PCDHA1: variants seen among roughly 807,000 people sequenced by gnomAD.
The protein encoded by PCDHA1 is protocadherin alpha 1, also known as protocadherin alpha-1.
PCDHA1 carries 42 observed loss-of-function variants against 61.3 expected under a neutral mutation model. That is an observed-to-expected ratio of 0.69 (90% CI 0.54 to 0.89). The LOEUF is 0.89. PCDHA1 is among the 40% of genes least tolerant of loss of function. The pLI is 0.00. For synonymous variants in PCDHA1, 610 were observed against 553.8 expected, an observed-to-expected ratio of 1.10 and a Z score of -1.43; for missense variants, 1,256 against 1,235.3, an observed-to-expected ratio of 1.02 and a Z score of -0.25.
chr5:140,849,319 G>A, intron 1 of PCDHA1: 1 of 1,331,850 alleles, frequency 7.5e-7, no homozygotes, highest in Non-Finnish European at 1.0e-6. Flanking sequence ...GGCTTGAATG[G>A]GGATATTATT....
At position 140,788,169 on chromosome 5, in the gene PCDHA1, T is replaced by C; in HGVS notation, c.1879T>C (p.Tyr627His). 6.2e-7 allele frequency: 1 copy of C among 1,613,994 alleles called. No individual in the cohort carries two copies. Among genetic ancestry groups the C allele is most frequent in the Non-Finnish European group, 8.5e-7 (1 of 1,179,904 alleles). Residue 627 changes from tyrosine (Y) to histidine (H), a missense_variant, in exon 1 of 4, where the codon TAC (tyrosine) becomes CAC (histidine). By Grantham distance (83) the Tyr-to-His change is moderately conservative. Coordinates refer to ENST00000504120, the MANE Select transcript of PCDHA1 (RefSeq NM_018900.4). Reference sequence around the variant, plus strand: ...GCGCATCCCGTTCCGCGTGGGGCTGTACACGGGCGAGATCAGCACGACTCG... The same window carrying C: ...GCGCATCCCGTTCCGCGTGGGGCTGCACACGGGCGAGATCAGCACGACTCG... ...GARIPFRVGL[Y>H]TGEISTTRVL...
intron 1 of PCDHA1, chr5:140,926,754 C>T: frequency 1.6e-6 from 2 of 1,283,492 alleles, no homozygotes; most frequent in Non-Finnish European, 2.0e-6. Flanking sequence ...TCGGCGGTCG[C>T]TGAGTATCCA....
At chr5:140,826,481 T>C (rs1342710477) in intron 1 of PCDHA1, among the ~76,000 whole-genome samples, 1 of 152,200 alleles carries the variant, frequency 6.6e-6, no homozygotes, top group Non-Finnish European at 1.5e-5. Context: ...TTTTACTGTA[T>C]ATCAGAATTT....
chr5:140,819,979 G>A (rs1293437924), intron 1 of PCDHA1, among the ~76,000 whole-genome samples: 1 of 151,726 alleles, frequency 6.6e-6, no homozygotes, highest in Non-Finnish European at 1.5e-5. Context: ...GGTTATCTTT[G>A]TGTATTTTGT....
chr5:140,794,356 G>A (rs1437276175), intron 1 of PCDHA1, among the ~76,000 whole-genome samples: 3 of 152,210 alleles, frequency 2.0e-5, no homozygotes, highest in East Asian at 1.9e-4. Context: ...GAACCTTGAG[G>A]ACATTGTGCT....
intron 3 of PCDHA1, among the ~76,000 whole-genome samples, chr5:140,987,261 T>C (rs1245588314): frequency 6.6e-6 from 1 of 151,964 alleles, no homozygotes; most frequent in African/African-American, 2.4e-5. Context: ...TTCTCAGGAA[T>C]GGGACCCGGC....
chr5:140,802,430 C>G (rs1047484049), intron 1 of PCDHA1: 2 of 1,614,204 alleles, frequency 1.2e-6, no homozygotes, highest in Admixed American at 3.3e-5. Context: ...TGCTGGACAG[C>G]CCTCTGGACC....
chr5:140,932,562 G>A lies in PCDHA1; in HGVS notation c.2395-46387G>A, dbSNP rs566002035. The stretch of plus-strand genomic sequence containing the variant: ...TTATTTAACATACATTCCACAAGTA[G>A]ACTTTCCCATAGGGTAATTAGATGT... On this transcript the variant is annotated intron_variant, in intron 1 of 3. Coordinates refer to ENST00000504120, the MANE Select transcript of PCDHA1 (RefSeq NM_018900.4). Among the ~76,000 whole-genome samples the A allele has an allele frequency of 1.9e-4, 29 of 151,988 alleles. No individual in the cohort carries two copies. The South Asian group carries it at 6.0e-3, about 32-fold the overall frequency.
chr5:140,870,263 C>T (rs1581940012), intron 1 of PCDHA1: 2 of 1,614,182 alleles, frequency 1.2e-6, no homozygotes, highest in East Asian at 4.5e-5. Flanking sequence ...GTGACCTGCT[C>T]GCTGACGCCC....
At chr5:140,966,360 A>T (rs1169207709) in intron 1 of PCDHA1, 1 of 400,440 alleles carries the variant, frequency 2.5e-6, no homozygotes, top group Non-Finnish European at 4.4e-6. Flanking sequence ...ATGGGGCTGG[A>T]GAGGCTGAGC....
intron 1 of PCDHA1, chr5:140,803,436 A>AGC: frequency 6.2e-7 from 1 of 1,614,048 alleles, no homozygotes; most frequent in Non-Finnish European, 8.5e-7. Context: ...CGCGGTGGGG[A>AGC]GCTGGTCATA....
chr5:140,802,586 C>T (rs376590372), intron 1 of PCDHA1: 79 of 1,613,974 alleles, frequency 4.9e-5, no homozygotes, highest in Non-Finnish European at 6.4e-5. Flanking sequence ...ACACGGTGTT[C>T]GTGAAGGAGA....
intron 1 of PCDHA1, chr5:140,856,002 G>C: frequency 6.5e-7 from 1 of 1,534,758 alleles, no homozygotes; most frequent in South Asian, 1.2e-5. Context: ...TCGTATGTGC[G>C]TTCTAGACCG....
intron 3 of PCDHA1, among the ~76,000 whole-genome samples, chr5:141,004,496 C>T (rs1179748811): frequency 6.6e-6 from 1 of 152,152 alleles, no homozygotes; most frequent in Non-Finnish European, 1.5e-5. Context: ...CTTGGCAGTC[C>T]TGCTGTGAGG....
chr5:140,884,466 C>T (rs1212644572), intron 1 of PCDHA1: 3 of 1,613,764 alleles, frequency 1.9e-6, no homozygotes, highest in Non-Finnish European at 2.5e-6. Context: ...GGCGCGTGCG[C>T]GCCGGGCAAG....
At position 140,848,981 on chromosome 5, in the gene PCDHA1, C is replaced by A. The variant is rs2150427833; in HGVS notation, c.2394+60297C>A. 2.6e-5 allele frequency: 41 copies of A among 1,598,746 alleles called. No homozygotes were observed. The Middle Eastern group carries it at 5.0e-4, about 19-fold the overall frequency. On this transcript the variant is annotated intron_variant, in intron 1 of 3. Transcript: ENST00000504120. ...TAGAGGGCGCGTCCGATGCAGATAT[C>A]GGGGAGAACGCCCTGCTCACTTACA...
chr5:140,987,358 T>C (rs1554249108), intron 3 of PCDHA1, among the ~76,000 whole-genome samples: 2 of 152,208 alleles, frequency 1.3e-5, no homozygotes, highest in Non-Finnish European at 2.9e-5. Context: ...CCTGAGGTTG[T>C]CTTATATCAT....
At chr5:140,891,801 C>T (rs2063255606) in intron 1 of PCDHA1, among the ~76,000 whole-genome samples, 1 of 152,056 alleles carries the variant, frequency 6.6e-6, no homozygotes, top group Non-Finnish European at 1.5e-5. Context: ...AGGGATCTGC[C>T]CTCATGAATA....
At chr5:140,860,333 A>T (rs147859732) in intron 1 of PCDHA1, 1 of 152,198 alleles carries the variant, frequency 6.6e-6, no homozygotes, top group African/African-American at 2.4e-5. Context: ...GTGACCCATG[A>T]TTGTGCCACT....
Sources: allele counts gnomAD v4.1 joint callset (sites outside exome capture counted in the v4.1 genomes callset), GRCh38; gene constraint gnomAD v4.1.1; transcripts MANE v1.5; gene names NCBI Gene and HGNC (gene_info 2026-07-23, HGNC 2026-07-21).